Variants in PTPRD observed in about 807,000 individuals in gnomAD.
The protein encoded by PTPRD is receptor-type tyrosine-protein phosphatase delta.
A neutral mutation model predicts 214.5 loss-of-function variants in PTPRD; 34 were observed. That is an observed-to-expected ratio of 0.16 (90% CI 0.12 to 0.21). The LOEUF (loss-of-function observed/expected upper bound fraction) is 0.21. Ranked by LOEUF, PTPRD falls within the 10% of genes least tolerant of loss-of-function variation. PTPRD has a pLI of 1.00. For synonymous variants in PTPRD, 1,128 were observed against 845.7 expected, an observed-to-expected ratio of 1.33 and a Z score of -5.79; for missense variants, 2,545 against 2,398.7, an observed-to-expected ratio of 1.06 and a Z score of -1.27.
At chr9:9,784,607 T>A (rs2098902390) in intron 5 of PTPRD, among the ~76,000 whole-genome samples, 1 of 151,996 alleles carries the variant, frequency 6.6e-6, no homozygotes, top group Non-Finnish European at 1.5e-5. Flanking sequence ...CAAGATTTTT[T>A]AAATTAGCAG....
chr9:10,258,080 T>C (rs1046546544), intron 3 of PTPRD, among the ~76,000 whole-genome samples: 2 of 152,194 alleles, frequency 1.3e-5, no homozygotes, highest in African/African-American at 4.8e-5. Flanking sequence ...CAATTTTCCT[T>C]AATTCTAGCC....
At chr9:10,051,083 AG>A (rs1053225665) in intron 3 of PTPRD, among the ~76,000 whole-genome samples, 7 of 152,196 alleles carry the variant, frequency 4.6e-5, no homozygotes, top group African/African-American at 1.7e-4. Context: ...CACATAAAAA[AG>A]AAAAAAATGC....
At chr9:10,461,462 G>A (rs1427791542) in intron 2 of PTPRD, among the ~76,000 whole-genome samples, 1 of 151,804 alleles carries the variant, frequency 6.6e-6, no homozygotes. Context: ...ATGAAAAAAT[G>A]GATGAAGAAA....
At chr9:9,398,501 T>C (rs1427590537) in intron 8 of PTPRD, among the ~76,000 whole-genome samples, 1 of 152,026 alleles carries the variant, frequency 6.6e-6, no homozygotes, top group Non-Finnish European at 1.5e-5. Flanking sequence ...TGTCAATCAT[T>C]CTTTAAGTGA....
chr9:8,817,795 T>A (rs1365303606), intron 11 of PTPRD, among the ~76,000 whole-genome samples: 1 of 152,202 alleles, frequency 6.6e-6, no homozygotes, highest in South Asian at 2.1e-4. Context: ...CAAGTAGGTT[T>A]CTTCTTCTTG....
intron 2 of PTPRD, among the ~76,000 whole-genome samples, chr9:10,488,462 T>G (rs1471255745): frequency 6.6e-6 from 1 of 151,778 alleles, no homozygotes; most frequent in Non-Finnish European, 1.5e-5. Flanking sequence ...TCCCTGACTA[T>G]GGCCTGTGTT....
At position 9,662,127 on chromosome 9, in the gene PTPRD, A is replaced by G. The variant is rs192635069; in HGVS notation, c.-287+72406T>C. Among the ~76,000 whole-genome samples the G allele has an allele frequency of 5.5e-3, 841 of 151,824 alleles. 1 individual carries two copies. The highest frequency in any genetic ancestry group is 9.7e-3 in the African/African-American group (402 of 41,516). On this transcript the variant is annotated intron_variant, in intron 7 of 45. Transcript: ENST00000381196. ...GCATTCTTCTCATTGAGAGTAAAGA[A>G]CTGTGTAATTCTTAACACTCCATAC... is the stretch of plus-strand genomic sequence containing the variant.
At chr9:10,533,830 T>C (rs12005300) in intron 2 of PTPRD, among the ~76,000 whole-genome samples, 8,549 of 151,854 alleles carry the variant, frequency 0.056, 393 homozygotes, top group African/African-American at 0.13. Flanking sequence ...ATCTGAACAC[T>C]AGTGACCTAT....
At chr9:9,145,714 G>A (rs2099867464) in intron 10 of PTPRD, among the ~76,000 whole-genome samples, 1 of 152,150 alleles carries the variant, frequency 6.6e-6, no homozygotes, top group Non-Finnish European at 1.5e-5. Context: ...GCCCTGTGTA[G>A]AAGCAAGGAG....
intron 11 of PTPRD, among the ~76,000 whole-genome samples, chr9:8,943,159 A>G (rs981237988): frequency 6.6e-6 from 1 of 152,160 alleles, no homozygotes; most frequent in African/African-American, 2.4e-5. Flanking sequence ...AAGATATTCT[A>G]TGTTCATGGA....
In PTPRD at chr9:9,511,368, A is replaced by C. The variant is rs139192657; in HGVS notation, c.-237+63364T>G. On this transcript the variant is annotated intron_variant, in intron 8 of 45. Transcript: ENST00000381196. Reference sequence around the variant, plus strand: ...GAGATTCAATACAGCTGTTGTCTTTAAGCACATAGCTGATGCTAGGTGAAT... The same window carrying C: ...GAGATTCAATACAGCTGTTGTCTTTCAGCACATAGCTGATGCTAGGTGAAT... 4.6e-5 allele frequency among the ~76,000 whole-genome samples: 7 copies of C among 151,862 alleles called. No individual in the cohort carries two copies. The East Asian group carries it at 1.2e-3, about 25-fold the overall frequency.
At chr9:8,752,364 A>C (rs1346490825) in intron 11 of PTPRD, among the ~76,000 whole-genome samples, 1 of 152,154 alleles carries the variant, frequency 6.6e-6, no homozygotes, top group Non-Finnish European at 1.5e-5. Context: ...ATGCCATGGC[A>C]ACATCAGGAA....
rs1181466494 is a variant in PTPRD, at chr9:8,317,748, A to ATAGTCCCACTAAGTAGTTG, written c.*107_*125dup. On this transcript the variant is annotated 3_prime_UTR_variant, in exon 46 of 46. Transcript: ENST00000381196. The stretch of plus-strand genomic sequence containing the variant: ...TTGTTTTTAATTTGTTTTGTGTGTA[A>ATAGTCCCACTAAGTAGTTG]TAGTCCCACTAAGTAGTTGTTAGCT... 4.8e-5 allele frequency: 36 copies of ATAGTCCCACTAAGTAGTTG among 744,296 alleles called. No homozygotes were observed. Among genetic ancestry groups the ATAGTCCCACTAAGTAGTTG allele is most frequent in the Admixed American group, 4.3e-4 (20 of 46,006 alleles). The allele number at this position is 744,296 out of a possible 1,614,324, so 46.1% of individuals were successfully genotyped here.
At chr9:10,003,157 G>T (rs915357420) in intron 4 of PTPRD, among the ~76,000 whole-genome samples, 1 of 151,730 alleles carries the variant, frequency 6.6e-6, no homozygotes, top group Admixed American at 6.6e-5. Context: ...TGAGTTCCAG[G>T]CAGAAGGAAG....
intron 11 of PTPRD, among the ~76,000 whole-genome samples, chr9:8,768,502 C>T (rs1211034368): frequency 6.6e-6 from 1 of 152,082 alleles, no homozygotes; most frequent in Non-Finnish European, 1.5e-5. Flanking sequence ...GCAGTGAGCA[C>T]AGATTGAACC....
At chr9:8,355,815 G>C (rs1189313638) in intron 39 of PTPRD, among the ~76,000 whole-genome samples, 1 of 152,198 alleles carries the variant, frequency 6.6e-6, no homozygotes, top group Non-Finnish European at 1.5e-5. Flanking sequence ...TGGGACCAAA[G>C]ATTGTGCATT....
chr9:9,487,307 G>A (rs1287988507), intron 8 of PTPRD, among the ~76,000 whole-genome samples: 2 of 151,644 alleles, frequency 1.3e-5, no homozygotes, highest in Non-Finnish European at 2.9e-5. Context: ...GAGAACATGT[G>A]GTGTTTAGTT....
chr9:8,780,725 C>G (rs1397274200), intron 11 of PTPRD, among the ~76,000 whole-genome samples: 1 of 152,076 alleles, frequency 6.6e-6, no homozygotes, highest in Non-Finnish European at 1.5e-5. Flanking sequence ...CCTTCAAGGC[C>G]AAGAAATATT....
At chr9:8,590,416 C>G (rs1357407601) in intron 14 of PTPRD, among the ~76,000 whole-genome samples, 1 of 152,092 alleles carries the variant, frequency 6.6e-6, no homozygotes, top group Non-Finnish European at 1.5e-5. Context: ...GTGCAGAAGA[C>G]TTATCAGAGG....
Sources: gnomAD v4.1 joint callset for allele counts (sites outside exome capture counted in the v4.1 genomes callset) on GRCh38, gnomAD v4.1.1 for gene constraint, MANE v1.5 for transcripts, NCBI Gene and HGNC (gene_info 2026-07-23, HGNC 2026-07-21) for gene names.